Variants in NTPCR observed in about 807,000 individuals in gnomAD.
NTPCR encodes the protein cancer-related nucleoside-triphosphatase.
Under a neutral mutation model 19.5 loss-of-function variants are expected in NTPCR, and 15 were observed. The observed-to-expected ratio is 0.77, with a 90% CI of 0.51 to 1.18. The LOEUF (loss-of-function observed/expected upper bound fraction) is 1.18. Ranked by LOEUF, NTPCR falls within the 50% of genes most tolerant of loss-of-function variation. The probability of loss-of-function intolerance (pLI) is 0.00; values close to 1 mark genes in which losing one functional copy is unlikely to be tolerated. For missense variants in NTPCR, 206 were observed against 240.4 expected (o/e 0.86, Z 0.95); for synonymous variants, 90 against 95.8 (o/e 0.94, Z 0.36).
chr1:232,966,543 CAAA>C (rs1212057105), intron 3 of NTPCR: 1 of 151,946 alleles, frequency 6.6e-6, no homozygotes, highest in Non-Finnish European at 1.5e-5. Flanking sequence ...ATAAAGGACC[CAAA>C]AAAATCACAC....
At position 232,970,044 on chromosome 1, in the gene NTPCR, A is replaced by G; in HGVS notation, c.430A>G (p.Ile144Val). The change falls in exon 4 of 5, where the codon ATC becomes GTC. Residue 144 changes from isoleucine to valine, a missense_variant. Physicochemically the swap from Ile to Val is conservative, Grantham distance 29. Coordinates refer to ENST00000366628, the MANE Select transcript of NTPCR (RefSeq NM_032324.3). ...CCCAGGGACTATAATCCTTGGCACA[A>G]TCCCAGTTCCTAAAGGAAAGCCACT... ...STPGTIILGT[I>V]PVPKGKPLAL... 1 of 1,614,218 alleles carries G rather than the reference A, an allele frequency of 6.2e-7. No homozygotes were observed. The highest frequency in any genetic ancestry group is 8.5e-7 in the Non-Finnish European group (1 of 1,180,024).
intron 3 of NTPCR, chr1:232,966,487 A>C (rs1668819261): frequency 6.6e-6 from 1 of 152,204 alleles, no homozygotes; most frequent in African/African-American, 2.4e-5. Context: ...AAATGAAATT[A>C]TTTTATATTT....
chr1:232,952,548 T>C (rs1218000557), intron 1 of NTPCR, among the ~76,000 whole-genome samples: 1 of 152,084 alleles, frequency 6.6e-6, no homozygotes, highest in African/African-American at 2.4e-5. Flanking sequence ...CCTCTCTCTG[T>C]TGCCCAGGTT....
chr1:232,981,046 T>A lies in NTPCR; in HGVS notation c.*2815T>A, dbSNP rs1669268855. The A allele has an allele frequency of 6.6e-6, 1 of 152,130 alleles. No homozygotes were observed. The highest frequency in any genetic ancestry group is 2.1e-4 in the South Asian group (1 of 4,824). 9.4% of individuals were successfully genotyped at this position (152,130 alleles called of 1,614,324 possible). ...AAGAATCTCAGCTAGAATAACAAGG[T>A]CGGATGGGAGGAATCAGGACTGATT... On this transcript the variant is annotated 3_prime_UTR_variant, in exon 5 of 5. Transcript: ENST00000366628.
At chr1:232,956,266 C>A in intron 2 of NTPCR, 81 bp from the exon 3 acceptor site, 1 of 919,728 alleles carries the variant, frequency 1.1e-6, no homozygotes, top group Non-Finnish European at 1.8e-6. Flanking sequence ...ATGTGGAATG[C>A]CAGAGGCTCA....
intron 3 of NTPCR, 30 bp downstream of exon 3, chr1:232,956,473 C>T (rs1252500224): frequency 6.9e-7 from 1 of 1,439,644 alleles, no homozygotes; most frequent in African/African-American, 1.4e-5. Context: ...TTTTTGAACC[C>T]ATCTGCTCTT....
chr1:232,957,114 A>G (rs1451712096), intron 3 of NTPCR, among the ~76,000 whole-genome samples: 1 of 152,160 alleles, frequency 6.6e-6, no homozygotes, highest in Non-Finnish European at 1.5e-5. Context: ...TATTTTGTTG[A>G]GGATTTCTGC....
chr1:232,973,505 C>T (rs943685937), intron 4 of NTPCR, among the ~76,000 whole-genome samples: 4 of 152,150 alleles, frequency 2.6e-5, no homozygotes, highest in African/African-American at 4.8e-5. Context: ...AACAACACAA[C>T]AGACACAACT....
At chr1:232,953,092 G>T (rs1248174022) in intron 1 of NTPCR, among the ~76,000 whole-genome samples, 1 of 152,214 alleles carries the variant, frequency 6.6e-6, no homozygotes, top group African/African-American at 2.4e-5. Flanking sequence ...TCCCCAGGGG[G>T]TTGAAGCTCC....
intron 3 of NTPCR, chr1:232,965,334 G>A (rs1668784634): frequency 1.3e-5 from 2 of 152,324 alleles, no homozygotes; most frequent in Admixed American, 1.3e-4. Context: ...GTGATCTCTG[G>A]TTTGACTCCA....
chr1:232,976,947 A>G (rs1365646902), intron 4 of NTPCR: 1 of 165,110 alleles, frequency 6.1e-6, no homozygotes, highest in East Asian at 1.8e-4. Flanking sequence ...CCTAGACCGT[A>G]CAGTCTCCTA....
chr1:232,950,762 C>T lies in NTPCR; in HGVS notation c.34+18C>T. 1.3e-6 allele frequency: 2 copies of T among 1,579,726 alleles called. No individual in the cohort carries two copies. The highest frequency in any genetic ancestry group is 1.1e-5 in the South Asian group (1 of 88,312). The stretch of plus-strand genomic sequence containing the variant: ...GCCCCCAGGTAACCCTGAGGGGATC[C>T]CCACCTCCAAGAGGTCGAGGGGGTG... On this transcript the variant is annotated intron_variant, in intron 1 of 4. Coordinates refer to ENST00000366628, the MANE Select transcript of NTPCR (RefSeq NM_032324.3).
intron 4 of NTPCR, among the ~76,000 whole-genome samples, chr1:232,971,476 A>G (rs556828869): frequency 6.6e-6 from 1 of 152,138 alleles, no homozygotes; most frequent in South Asian, 2.1e-4. Context: ...GTGGTGGTAA[A>G]CAGCCATTAG....
Position 232,950,686 on chromosome 1 carries a change from G to A in NTPCR, c.-25G>A, listed in dbSNP as rs751513103. Reference sequence around the variant, plus strand: ...CCCAACCTGGACTGCTCCCCTGACCGCAACCCCTACCCCCGCCCACCAGTA... The same window carrying A: ...CCCAACCTGGACTGCTCCCCTGACCACAACCCCTACCCCCGCCCACCAGTA... On this transcript the variant is annotated 5_prime_UTR_variant, in exon 1 of 5. Transcript: ENST00000366628. 1 of 1,602,266 alleles carries A rather than the reference G, an allele frequency of 6.2e-7. No homozygotes were observed. Among genetic ancestry groups the A allele is most frequent in the Admixed American group, 1.7e-5 (1 of 59,692 alleles).
chr1:232,980,112 A>G lies in NTPCR; in HGVS notation c.*1881A>G, dbSNP rs1305348775. ...ACTTTGATTTTGTCTTAAATGAGAA[A>G]GAAAGCTGGTGAAGGTTATTTCAAA... On this transcript the variant is annotated 3_prime_UTR_variant, in exon 5 of 5. Transcript: ENST00000366628. 2 of 152,282 alleles carry G rather than the reference A, an allele frequency of 1.3e-5. No homozygotes were observed. Among genetic ancestry groups the G allele is most frequent in the African/African-American group, 4.8e-5 (2 of 41,472 alleles). The allele number at this position is 152,282 out of a possible 1,614,324, so 9.4% of individuals were successfully genotyped here. A position where few individuals can be genotyped will look rare whatever the true frequency, so the allele number is the denominator to read the frequency against.
chr1:232,969,925 G>A lies in NTPCR; in HGVS notation c.311G>A (p.Gly104Asp), dbSNP rs1162469751. The A allele has an allele frequency of 6.2e-7, 1 of 1,614,072 alleles. No individual in the cohort carries two copies. The highest frequency in any genetic ancestry group is 8.5e-7 in the Non-Finnish European group (1 of 1,179,968). ...CATTCTCAGGCCGACTGCAGCAGTG[G>A]CCCAGGGCAAAGAGTGTGCGTCATC... ...PVLRNADCSS[G>D]PGQRVCVIDE... is the part of the protein sequence containing the mutation. Residue 104 changes from glycine to aspartate, a missense_variant, in exon 4 of 5, where the codon GGC (glycine) becomes GAC (aspartate). Gly to Asp is a moderately conservative substitution (Grantham distance 94). Transcript: ENST00000366628.
chr1:232,960,543 C>A (rs1668641730), intron 3 of NTPCR, among the ~76,000 whole-genome samples: 1 of 151,982 alleles, frequency 6.6e-6, no homozygotes, highest in South Asian at 2.1e-4. Context: ...GGGGTTTCAC[C>A]ATCATGGTCA....
In NTPCR at chr1:232,972,872, C is replaced by G. The variant is rs1019080824; in HGVS notation, c.504+2754C>G. On this transcript the variant is annotated intron_variant, in intron 4 of 4. Transcript: ENST00000366628. Reference sequence around the variant, plus strand: ...CAGTACTTAGTCCATCGTTTAGGCACCTGTGAGGCATGATCTCTGCCCTCA... The same window carrying G: ...CAGTACTTAGTCCATCGTTTAGGCAGCTGTGAGGCATGATCTCTGCCCTCA... Among the ~76,000 whole-genome samples, 4 of 152,194 alleles carry G rather than the reference C, an allele frequency of 2.6e-5. 1 individual carries two copies. Among genetic ancestry groups the G allele is most frequent in the Admixed American group, 1.3e-4 (2 of 15,278 alleles).
intron 1 of NTPCR, among the ~76,000 whole-genome samples, chr1:232,952,467 C>T (rs1225251266): frequency 9.2e-5 from 14 of 152,048 alleles, no homozygotes; most frequent in African/African-American, 3.1e-4. Flanking sequence ...TCTGGGCCTC[C>T]CAAAATACTG....
Sources: gnomAD v4.1 joint callset for allele counts (sites outside exome capture counted in the v4.1 genomes callset) on GRCh38, gnomAD v4.1.1 for gene constraint, MANE v1.5 for transcripts, NCBI Gene and HGNC (gene_info 2026-07-23, HGNC 2026-07-21) for gene names.